SGCZ: variants seen among roughly 807,000 people sequenced by gnomAD.
SGCZ encodes zeta-sarcoglycan.
SGCZ carries 40 observed loss-of-function variants against 41.3 expected under a neutral mutation model. The observed-to-expected ratio is 0.97, with a 90% CI of 0.75 to 1.26. The LOEUF (loss-of-function observed/expected upper bound fraction) is 1.26, where lower values mean the gene tolerates loss of function less well. SGCZ is among the 50% of genes most tolerant of loss of function. The probability of loss-of-function intolerance (pLI) is 0.00; values close to 1 mark genes in which losing one functional copy is unlikely to be tolerated. For synonymous variants in SGCZ, 206 were observed against 137.5 expected (o/e 1.50, Z -3.49); for missense variants, 552 against 369.8 (o/e 1.49, Z -4.04).
intron 4 of SGCZ, among the ~76,000 whole-genome samples, chr8:14,174,497 TA>T (rs1216272309): frequency 6.6e-6 from 1 of 151,998 alleles, no homozygotes; most frequent in African/African-American, 2.4e-5. Context: ...CACAAATTCA[TA>T]ATGAAATAAT....
chr8:14,898,458 G>A (rs1412557956), intron 1 of SGCZ, among the ~76,000 whole-genome samples: 1 of 152,162 alleles, frequency 6.6e-6, no homozygotes, highest in Non-Finnish European at 1.5e-5. Flanking sequence ...GTAAGAATTT[G>A]GCACTTTATT....
rs148502438 is a variant in SGCZ, at chr8:14,396,829, T to A, written c.235-72625A>T. 2.6e-5 allele frequency among the ~76,000 whole-genome samples: 4 copies of A among 152,132 alleles called. No individual in the cohort carries two copies. The East Asian group carries it at 7.7e-4, about 29-fold the overall frequency. ...CTATGCCCAGGTTAAGTCACAACCC[T>A]AAGGCACATCTCTAAGAGATCAAAT... On this transcript the variant is annotated intron_variant, in intron 2 of 7. Transcript: ENST00000382080.
At chr8:14,355,747 C>T (rs772944456) in intron 2 of SGCZ, among the ~76,000 whole-genome samples, 1 of 151,984 alleles carries the variant, frequency 6.6e-6, no homozygotes, top group Non-Finnish European at 1.5e-5. Flanking sequence ...ATCACAGTGT[C>T]TGGCATACTC....
intron 2 of SGCZ, among the ~76,000 whole-genome samples, chr8:14,355,576 T>C (rs1202593309): frequency 6.6e-6 from 1 of 152,016 alleles, no homozygotes; most frequent in East Asian, 1.9e-4. Flanking sequence ...ATATGCTCAT[T>C]CTGCTTGACA....
intron 1 of SGCZ, among the ~76,000 whole-genome samples, chr8:15,118,514 T>C (rs1229014610): frequency 6.6e-6 from 1 of 152,124 alleles, no homozygotes; most frequent in Admixed American, 6.6e-5. Flanking sequence ...CTTTTCTCCA[T>C]CCTTCTAAGG....
chr8:14,728,392 T>C (rs35459555), intron 1 of SGCZ, among the ~76,000 whole-genome samples: 41,954 of 135,852 alleles, frequency 0.31, 6,372 homozygotes, highest in East Asian at 0.44. Flanking sequence ...AAAAAAAACA[T>C]AATAAAGACA....
At chr8:15,186,101 T>A (rs1442454945) in intron 1 of SGCZ, among the ~76,000 whole-genome samples, 7 of 144,992 alleles carry the variant, frequency 4.8e-5, no homozygotes, top group Non-Finnish European at 7.5e-5. Flanking sequence ...AATAAAAAAA[T>A]AAAAAAAAAA....
At chr8:14,586,131 C>T (rs552771480) in intron 1 of SGCZ, among the ~76,000 whole-genome samples, 1 of 152,268 alleles carries the variant, frequency 6.6e-6, no homozygotes, top group Non-Finnish European at 1.5e-5. Flanking sequence ...TCATAATCAT[C>T]GTTGTCTTAG....
At chr8:14,294,919 A>T (rs1382856636) in intron 3 of SGCZ, among the ~76,000 whole-genome samples, 1 of 152,114 alleles carries the variant, frequency 6.6e-6, no homozygotes, top group Non-Finnish European at 1.5e-5. Context: ...GCAAAGGCCA[A>T]GTATTAACAG....
chr8:14,593,236 A>G (rs1339036633), intron 1 of SGCZ, among the ~76,000 whole-genome samples: 1 of 152,210 alleles, frequency 6.6e-6, no homozygotes, highest in African/African-American at 2.4e-5. Flanking sequence ...AAAGGAAGCA[A>G]GAGAATCCGT....
chr8:14,601,714 TA>T (rs1441276070), intron 1 of SGCZ, among the ~76,000 whole-genome samples: 1 of 152,256 alleles, frequency 6.6e-6, no homozygotes, highest in African/African-American at 2.4e-5. Context: ...AGAACATCTA[TA>T]AGGATACATT....
intron 2 of SGCZ, among the ~76,000 whole-genome samples, chr8:14,344,258 G>T (rs1394678862): frequency 6.6e-6 from 1 of 151,698 alleles, no homozygotes; most frequent in South Asian, 2.1e-4. Flanking sequence ...TATTTTAATT[G>T]AAGAATAATG....
chr8:15,115,034 C>T (rs568289701), intron 1 of SGCZ, among the ~76,000 whole-genome samples: 2 of 152,096 alleles, frequency 1.3e-5, no homozygotes, highest in Non-Finnish European at 2.9e-5. Flanking sequence ...AAAACTAATA[C>T]ACTCTCAAAT....
intron 1 of SGCZ, among the ~76,000 whole-genome samples, chr8:15,005,270 C>T (rs1564452): frequency 0.25 from 37,279 of 151,208 alleles, 5,732 homozygotes; most frequent in Middle Eastern, 0.38. Context: ...GTTTCAAACC[C>T]ACATCGTCTG....
rs531410392 is a variant in SGCZ, at chr8:14,667,339, G to T, written c.40-112413C>A. Among the ~76,000 whole-genome samples the T allele has an allele frequency of 2.6e-4, 40 of 152,114 alleles. No homozygotes were observed. The South Asian group carries it at 6.0e-3, about 23-fold the overall frequency. ...GGATGAATAAATTGAACTCATACAG[G>T]GTTTTTCATAACACACTTTTCAAAG... On this transcript the variant is annotated intron_variant, in intron 1 of 7. Transcript: ENST00000382080.
intron 1 of SGCZ, among the ~76,000 whole-genome samples, chr8:15,155,273 T>C (rs58872898): frequency 0.24 from 36,678 of 151,956 alleles, 4,803 homozygotes; most frequent in East Asian, 0.54. Context: ...CCAGCCTGGG[T>C]GACAGACCCA....
chr8:14,342,399 C>G (rs1178830348), intron 2 of SGCZ, among the ~76,000 whole-genome samples: 1 of 152,138 alleles, frequency 6.6e-6, no homozygotes, highest in African/African-American at 2.4e-5. Flanking sequence ...TCACTGCAAG[C>G]TCTGCCTCCC....
chr8:14,344,534 G>A (rs1267517004), intron 2 of SGCZ, among the ~76,000 whole-genome samples: 4 of 151,796 alleles, frequency 2.6e-5, no homozygotes, highest in East Asian at 3.9e-4. Flanking sequence ...AGAAATTAAC[G>A]ACCAACCTAC....
chr8:14,522,804 A>G (rs1430698995), intron 2 of SGCZ, among the ~76,000 whole-genome samples: 6 of 151,676 alleles, frequency 4.0e-5, no homozygotes, highest in African/African-American at 1.5e-4. Flanking sequence ...GAATCCTGAG[A>G]TAGGAGCTGA....
Sources: gnomAD v4.1 joint callset for allele counts (sites outside exome capture counted in the v4.1 genomes callset) on GRCh38, gnomAD v4.1.1 for gene constraint, MANE v1.5 for transcripts, NCBI Gene and HGNC (gene_info 2026-07-23, HGNC 2026-07-21) for gene names.